Variants in COL10A1 observed in about 807,000 individuals in gnomAD.
COL10A1 encodes collagen alpha-1(X) chain.
A neutral mutation model predicts 18.2 loss-of-function variants in COL10A1; 10 were observed. That is an observed-to-expected ratio of 0.55 (90% CI 0.34 to 0.93). COL10A1 has a LOEUF of 0.93. Ranked by LOEUF, COL10A1 falls within the 40% of genes least tolerant of loss-of-function variation. The probability of loss-of-function intolerance (pLI) is 0.02; values close to 1 mark genes in which losing one functional copy is unlikely to be tolerated. For missense variants in COL10A1, 897 were observed against 853.5 expected (o/e 1.05, Z -0.64); for synonymous variants, 330 against 316.6 (o/e 1.04, Z -0.45).
chr6:116,203,542 A>G, the COL10A1 span, among the ~76,000 whole-genome samples: 3 of 151,886 alleles, frequency 2.0e-5, no homozygotes, highest in African/African-American at 7.2e-5. Flanking sequence ...ACTGAATGTC[A>G]CAGTAATTCA....
chr6:116,178,094 C>A, the COL10A1 span, among the ~76,000 whole-genome samples: 1 of 93,342 alleles, frequency 1.1e-5, no homozygotes, highest in African/African-American at 5.8e-5. Context: ...TGTGTGCGCG[C>A]GCGCGCGCGT....
chr6:116,129,613 T>A (rs972289859), upstream of COL10A1, among the ~76,000 whole-genome samples: 11 of 152,166 alleles, frequency 7.2e-5, no homozygotes, highest in Admixed American at 2.6e-4. Flanking sequence ...GAACGCTCTC[T>A]CCAGATACCG....
the COL10A1 span, among the ~76,000 whole-genome samples, chr6:116,163,829 CTTT>C: frequency 6.6e-6 from 1 of 152,124 alleles, no homozygotes; most frequent in South Asian, 2.1e-4. Context: ...ATTTCCAATT[CTTT>C]TTTATTTCGG....
chr6:116,132,143 G>C (rs958091824), intron 1 of COL10A1, among the ~76,000 whole-genome samples: 13 of 152,068 alleles, frequency 8.5e-5, no homozygotes, highest in African/African-American at 3.1e-4. Context: ...TTTGTGTGTG[G>C]GTGTATATGT....
At chr6:116,211,750 G>A in the COL10A1 span, among the ~76,000 whole-genome samples, 3 of 151,852 alleles carry the variant, frequency 2.0e-5, no homozygotes, top group Admixed American at 1.3e-4. Context: ...GATTTTTCTC[G>A]ACTATAACAA....
upstream of COL10A1, among the ~76,000 whole-genome samples, chr6:116,129,615 C>A (rs144509273): frequency 3.1e-3 from 467 of 152,316 alleles, 2 homozygotes; most frequent in African/African-American, 0.01. Flanking sequence ...ACGCTCTCTC[C>A]AGATACCGGT....
the COL10A1 span, among the ~76,000 whole-genome samples, chr6:116,200,598 A>C: frequency 6.6e-6 from 1 of 152,032 alleles, no homozygotes; most frequent in Admixed American, 6.6e-5. Context: ...ACACTATTAT[A>C]AGTAATGGTT....
At chr6:116,150,952 G>A (rs1288083481) in intron 1 of COL10A1, among the ~76,000 whole-genome samples, 3 of 152,114 alleles carry the variant, frequency 2.0e-5, no homozygotes, top group Non-Finnish European at 4.4e-5. Flanking sequence ...AGTAAAACAT[G>A]GCAGATTGTA....
At chr6:116,151,935 A>T (rs1291011665) in intron 1 of COL10A1, among the ~76,000 whole-genome samples, 9 of 152,250 alleles carry the variant, frequency 5.9e-5, no homozygotes, top group African/African-American at 2.2e-4. Flanking sequence ...TTATAAGAAC[A>T]TGTTATTTGG....
chr6:116,163,141 A>AAAAAAATATATATAT (rs761718922), upstream of COL10A1, among the ~76,000 whole-genome samples: 9 of 88,400 alleles, frequency 1.0e-4, no homozygotes, highest in African/African-American at 4.6e-4. Context: ...AAAAAAAAAA[A>AAAAAAATATATATAT]ATATATATAT....
chr6:116,163,454 G>A (rs540961698), upstream of COL10A1, among the ~76,000 whole-genome samples: 28 of 151,880 alleles, frequency 1.8e-4, no homozygotes, highest in Non-Finnish European at 3.4e-4. Context: ...TATTTCTGTG[G>A]TATCAATTTT....
rs1364999561 is a variant in COL10A1, at chr6:116,121,049, C to A, written c.1067G>T (p.Gly356Val). 1.9e-6 allele frequency: 3 copies of A among 1,613,966 alleles called. No homozygotes were observed. Among genetic ancestry groups the A allele is most frequent in the African/African-American group, 2.7e-5 (2 of 74,914 alleles). The change falls in exon 3 of 3, where the codon GGT becomes GTT. Residue 356 changes from glycine to valine, a missense_variant. Physicochemically the swap from Gly to Val is moderately radical, Grantham distance 109. Transcript: ENST00000651968. ...QGPKGIPGSH[G>V]LPGPKGETGP... ...TGTCTCACCTTTAGGGCCTGGGAGA[C>A]CATGGCTACCCGGGATGCCTTTTGG... is the stretch of plus-strand genomic sequence containing the variant.
the COL10A1 span, among the ~76,000 whole-genome samples, chr6:116,173,203 T>C: frequency 6.6e-6 from 1 of 152,192 alleles, no homozygotes; most frequent in Non-Finnish European, 1.5e-5. Flanking sequence ...TCATCTAAAG[T>C]GTAAACTATA....
Position 116,120,435 on chromosome 6 carries a change from C to A in COL10A1, c.1681G>T (p.Ala561Ser). The part of the protein sequence containing the change: ...VSAFTVILSK[A>S]YPAIGTPIPF... ...ATGGGAGTTCCTATTGCTGGGTAAG[C>A]TTTGGAGAGAATAACAGTAAAAGCA... The change falls in exon 3 of 3, where the codon GCT becomes TCT. Residue 561 changes from alanine to serine, a missense_variant. Ala to Ser is a moderately conservative substitution (Grantham distance 99). Transcript: ENST00000651968. 1 of 1,614,244 alleles carries A rather than the reference C, an allele frequency of 6.2e-7. No homozygotes were observed.
the COL10A1 span, among the ~76,000 whole-genome samples, chr6:116,176,507 C>T: frequency 6.6e-6 from 1 of 152,164 alleles, no homozygotes; most frequent in South Asian, 2.1e-4. Context: ...TTGCAGCTGA[C>T]ATTAGCAGAA....
the COL10A1 span, among the ~76,000 whole-genome samples, chr6:116,210,497 T>G: frequency 6.6e-6 from 1 of 151,942 alleles, no homozygotes. Context: ...TTCTGCCACA[T>G]GGTAGCTGTG....
chr6:116,136,595 A>T (rs994160247), intron 1 of COL10A1, among the ~76,000 whole-genome samples: 3 of 152,196 alleles, frequency 2.0e-5, no homozygotes, highest in African/African-American at 7.2e-5. Context: ...CACTTACTAT[A>T]AATTGCTGTT....
the COL10A1 span, among the ~76,000 whole-genome samples, chr6:116,193,104 T>C: frequency 0.042 from 6,423 of 152,204 alleles, 463 homozygotes; most frequent in African/African-American, 0.15. Context: ...TACCTGAGAA[T>C]ATGCTTATGA....
At chr6:116,133,145 G>A (rs1405880032) in intron 1 of COL10A1, among the ~76,000 whole-genome samples, 2 of 152,082 alleles carry the variant, frequency 1.3e-5, no homozygotes, top group African/African-American at 2.4e-5. Flanking sequence ...AGTTTCGTGC[G>A]CCAAGTGCTT....
Sources: gnomAD v4.1 joint callset for allele counts (sites outside exome capture counted in the v4.1 genomes callset) on GRCh38, gnomAD v4.1.1 for gene constraint, MANE v1.5 for transcripts, NCBI Gene and HGNC (gene_info 2026-07-23, HGNC 2026-07-21) for gene names.